The following CDH12 variants were observed in gnomAD, a reference collection of about 807,000 sequenced individuals.
The protein encoded by CDH12 is cadherin-12.
Under a neutral mutation model 74.1 loss-of-function variants are expected in CDH12, and 41 were observed. That is an observed-to-expected ratio of 0.55 (90% CI 0.43 to 0.72). The LOEUF (loss-of-function observed/expected upper bound fraction) is 0.72, where lower values mean the gene tolerates loss of function less well. Ranked by LOEUF, CDH12 falls within the 30% of genes least tolerant of loss-of-function variation. CDH12 has a pLI of 0.00. For missense variants in CDH12, 945 were observed against 977.2 expected (o/e 0.97, Z 0.44); for synonymous variants, 399 against 355.0 (o/e 1.12, Z -1.39).
chr5:22,384,718 G>A (rs1741927982), intron 3 of CDH12, among the ~76,000 whole-genome samples: 1 of 151,974 alleles, frequency 6.6e-6, no homozygotes, highest in South Asian at 2.1e-4. Context: ...GTATAGATGT[G>A]TATGTATGTT....
chr5:22,825,550 A>G (rs1273692477), intron 1 of CDH12, among the ~76,000 whole-genome samples: 1 of 152,226 alleles, frequency 6.6e-6, no homozygotes, highest in Non-Finnish European at 1.5e-5. Context: ...ATTAAGAAAC[A>G]GCAAAGGCTG....
intron 6 of CDH12, among the ~76,000 whole-genome samples, chr5:21,910,098 C>T (rs1203967802): frequency 6.6e-6 from 1 of 152,122 alleles, no homozygotes; most frequent in East Asian, 1.9e-4. Context: ...AGCAGTCATT[C>T]CCCATTTAGC....
At chr5:22,086,542 T>G (rs1743081028) in intron 4 of CDH12, among the ~76,000 whole-genome samples, 1 of 151,820 alleles carries the variant, frequency 6.6e-6, no homozygotes, top group Admixed American at 6.6e-5. Flanking sequence ...TGTTTGTTTG[T>G]TTTTTGCATT....
intron 6 of CDH12, among the ~76,000 whole-genome samples, chr5:21,899,829 G>C (rs1753301300): frequency 6.6e-6 from 1 of 151,458 alleles, no homozygotes; most frequent in African/African-American, 2.4e-5. Flanking sequence ...AATGCTGTGT[G>C]TTTATTATAT....
intron 6 of CDH12, among the ~76,000 whole-genome samples, chr5:21,936,933 C>T (rs1285992233): frequency 6.6e-6 from 1 of 152,156 alleles, no homozygotes; most frequent in Non-Finnish European, 1.5e-5. Flanking sequence ...CTTATAAGTT[C>T]AGCCATGTGG....
intron 1 of CDH12, among the ~76,000 whole-genome samples, chr5:22,651,700 G>GT (rs565125811): frequency 1.3e-4 from 18 of 143,916 alleles, no homozygotes; most frequent in East Asian, 4.4e-4. Flanking sequence ...ATAGGATGGT[G>GT]GTTTTTTTTT....
chr5:22,748,863 CT>C (rs1444253133), intron 1 of CDH12, among the ~76,000 whole-genome samples: 1 of 152,110 alleles, frequency 6.6e-6, no homozygotes, highest in African/African-American at 2.4e-5. Flanking sequence ...AGCGTAGGGG[CT>C]GTTTGACTTC....
intron 3 of CDH12, among the ~76,000 whole-genome samples, chr5:22,260,910 T>C (rs556120146): frequency 6.6e-6 from 1 of 152,090 alleles, no homozygotes; most frequent in Admixed American, 6.6e-5. Flanking sequence ...AACTGGCTTA[T>C]TTCTGTTCCG....
At chr5:22,420,523 T>C (rs1396466262) in intron 2 of CDH12, among the ~76,000 whole-genome samples, 1 of 152,162 alleles carries the variant, frequency 6.6e-6, no homozygotes, top group East Asian at 1.9e-4. Flanking sequence ...TACTATTCCA[T>C]TGGTCTATGT....
chr5:22,690,302 G>A (rs1195559926), intron 1 of CDH12, among the ~76,000 whole-genome samples: 4 of 152,046 alleles, frequency 2.6e-5, no homozygotes, highest in Non-Finnish European at 5.9e-5. Flanking sequence ...CAGGGTATGG[G>A]AATTTTAAGT....
rs144481949 is a variant in CDH12 at position 22,829,542 on chromosome 5, G to C, written c.-523+23516C>G. On this transcript the variant is annotated intron_variant, in intron 1 of 14. Transcript: ENST00000382254. The stretch of plus-strand genomic sequence containing the variant: ...GTCTACTGATAGGAGGAGTGCCACA[G>C]TTTAACTGAGGCTTGGCTTTAACTG... Among the ~76,000 whole-genome samples the C allele has an allele frequency of 4.3e-3, 657 of 152,284 alleles. 5 individuals carry two copies. The highest frequency in any genetic ancestry group is 0.015 in the African/African-American group (612 of 41,570).
intron 3 of CDH12, among the ~76,000 whole-genome samples, chr5:22,384,383 G>C (rs1311662831): frequency 2.0e-5 from 3 of 150,552 alleles, no homozygotes; most frequent in Non-Finnish European, 4.4e-5. Context: ...AAAATTAGCC[G>C]GGCGTGATGG....
At chr5:21,873,495 C>G (rs775344950) in intron 6 of CDH12, among the ~76,000 whole-genome samples, 11 of 152,122 alleles carry the variant, frequency 7.2e-5, no homozygotes, top group Admixed American at 1.3e-4. Flanking sequence ...TGTCACAGAC[C>G]AGAGGCCACA....
In CDH12 at chr5:22,262,598, C is replaced by A. The variant is rs1580458373; in HGVS notation, c.-332-49955G>T. 5.3e-5 allele frequency among the ~76,000 whole-genome samples: 8 copies of A among 150,988 alleles called. 2 individuals are homozygous for A. The Admixed American group carries it at 5.3e-4, about 10-fold the overall frequency. On this transcript the variant is annotated intron_variant, in intron 3 of 14. Transcript: ENST00000382254. ...CATACGTGTGCATGTGTCTTTATAG[C>A]AGCATGATTTATAGTCATTTGGGTA...
intron 4 of CDH12, among the ~76,000 whole-genome samples, chr5:22,100,939 C>A (rs529858019): frequency 2.6e-5 from 4 of 152,114 alleles, no homozygotes; most frequent in East Asian, 3.9e-4. Context: ...AAGGTATCAG[C>A]TGCCTTACAT....
chr5:22,703,135 C>T (rs1742808040), intron 1 of CDH12, among the ~76,000 whole-genome samples: 1 of 152,034 alleles, frequency 6.6e-6, no homozygotes, highest in African/African-American at 2.4e-5. Context: ...TAATCCTTAC[C>T]AACATTTCCA....
At chr5:22,852,897 A>G (rs1737621154) in intron 1 of CDH12, among the ~76,000 whole-genome samples, 161 bp downstream of exon 1, 1 of 152,188 alleles carries the variant, frequency 6.6e-6, no homozygotes, top group Non-Finnish European at 1.5e-5. Flanking sequence ...AAGCAAAACC[A>G]CGCACAAGCT....
At chr5:22,603,439 G>T (rs541758964) in intron 1 of CDH12, among the ~76,000 whole-genome samples, 1 of 152,106 alleles carries the variant, frequency 6.6e-6, no homozygotes, top group Non-Finnish European at 1.5e-5. Flanking sequence ...GGTAGAGAGT[G>T]GTAGCATACA....
At chr5:22,688,685 C>A (rs1161836515) in intron 1 of CDH12, among the ~76,000 whole-genome samples, 1 of 152,010 alleles carries the variant, frequency 6.6e-6, no homozygotes, top group African/African-American at 2.4e-5. Flanking sequence ...ATTCTTGTTG[C>A]ACTGGATGAA....
Sources: allele counts gnomAD v4.1 joint callset (sites outside exome capture counted in the v4.1 genomes callset), GRCh38; gene constraint gnomAD v4.1.1; transcripts MANE v1.5; gene names NCBI Gene and HGNC (gene_info 2026-07-23, HGNC 2026-07-21).